The following RGS6 variants were observed in gnomAD, a reference collection of about 807,000 sequenced individuals.
RGS6 encodes regulator of G protein signaling 6.
In RGS6, 30 loss-of-function variants were observed where a neutral mutation model predicts 78.5. The observed-to-expected ratio is 0.38, with a 90% CI of 0.29 to 0.52. The LOEUF is 0.52. Ranked by LOEUF, RGS6 falls within the 20% of genes least tolerant of loss-of-function variation. The probability of loss-of-function intolerance (pLI) is 0.85; values close to 1 mark genes in which losing one functional copy is unlikely to be tolerated. For synonymous variants in RGS6, 206 were observed against 206.0 expected, an observed-to-expected ratio of 1.00 and a Z score of 0.00; for missense variants, 495 against 609.7, an observed-to-expected ratio of 0.81 and a Z score of 1.98.
At chr14:72,042,784 G>A (rs1020597675) in intron 2 of RGS6, among the ~76,000 whole-genome samples, 12 of 151,926 alleles carry the variant, frequency 7.9e-5, no homozygotes, top group Non-Finnish European at 1.5e-4. Context: ...ATAAATATGG[G>A]GCCATGAAAA....
At chr14:72,201,183 T>A (rs2041492309) in intron 2 of RGS6, among the ~76,000 whole-genome samples, 1 of 152,140 alleles carries the variant, frequency 6.6e-6, no homozygotes, top group African/African-American at 2.4e-5. Context: ...TTTTTTAATA[T>A]GTGGAGAAAA....
At chr14:71,906,761 G>A in the RGS6 span, among the ~76,000 whole-genome samples, 388 of 49,998 alleles carry the variant, frequency 7.8e-3, 1 homozygote, top group African/African-American at 0.015. Context: ...AGGCACTCGT[G>A]TCTCCAAAGA....
chr14:72,473,676 G>A (rs1053152474), intron 9 of RGS6, among the ~76,000 whole-genome samples: 1 of 152,098 alleles, frequency 6.6e-6, no homozygotes, highest in South Asian at 2.1e-4. Flanking sequence ...CTGAATTAGC[G>A]CACATTGAAG....
Position 72,039,813 on chromosome 14 carries a change from A to ATTTTTTT in RGS6, c.84+74951_84+74957dup, listed in dbSNP as rs3053082. Among the ~76,000 whole-genome samples the ATTTTTTT allele has an allele frequency of 1.4e-3, 98 of 68,852 alleles. 3 individuals are homozygous for ATTTTTTT. Among genetic ancestry groups the ATTTTTTT allele is most frequent in the African/African-American group, 3.6e-3 (62 of 17,342 alleles). 45.2% of individuals were successfully genotyped at this position (68,852 alleles called of 152,430 possible). A position where few individuals can be genotyped will look rare whatever the true frequency, so the allele number is the denominator to read the frequency against. On this transcript the variant is annotated intron_variant, in intron 2 of 17. Transcript: ENST00000553525. ...TGCTGCCTTCTTTTGTGTTTCATTGATTTTTTTTTTTTTTTTTTTGGTGAC... is the reference window on the plus strand; with the variant it reads ...TGCTGCCTTCTTTTGTGTTTCATTGATTTTTTTTTTTTTTTTTTTTTTTTTTGGTGAC...
At chr14:72,534,635 C>T (rs2097222655) in intron 15 of RGS6, among the ~76,000 whole-genome samples, 1 of 152,346 alleles carries the variant, frequency 6.6e-6, no homozygotes, top group East Asian at 1.9e-4. Context: ...CATATCTTGG[C>T]TACTGTGCTC....
At chr14:72,453,508 T>A (rs997970338) in intron 3 of RGS6, among the ~76,000 whole-genome samples, 1 of 138,950 alleles carries the variant, frequency 7.2e-6, no homozygotes, top group African/African-American at 2.8e-5. Flanking sequence ...CCCAGCTACT[T>A]GGGAGGCTGA....
At chr14:71,951,995 T>C (rs2092365282) in intron 1 of RGS6, among the ~76,000 whole-genome samples, 1 of 152,190 alleles carries the variant, frequency 6.6e-6, no homozygotes, top group African/African-American at 2.4e-5. Flanking sequence ...GTTCTGTGTA[T>C]TAGGTTGGTG....
intron 2 of RGS6, among the ~76,000 whole-genome samples, chr14:72,304,566 G>T (rs1308651155): frequency 1.3e-5 from 2 of 152,178 alleles, no homozygotes. Context: ...TGGGTCAAAT[G>T]CTATGCACAT....
intron 13 of RGS6, among the ~76,000 whole-genome samples, chr14:72,504,365 C>T: frequency 6.6e-6 from 1 of 152,194 alleles, no homozygotes; most frequent in South Asian, 2.1e-4. Context: ...CCAACCTGCA[C>T]CTTCAACACA....
At chr14:72,354,833 A>G (rs1448228581) in intron 3 of RGS6, among the ~76,000 whole-genome samples, 1 of 152,148 alleles carries the variant, frequency 6.6e-6, no homozygotes, top group Non-Finnish European at 1.5e-5. Context: ...GGATACTTGT[A>G]TTGTTAGTGT....
At chr14:71,950,987 A>G (rs2092257185) in intron 1 of RGS6, among the ~76,000 whole-genome samples, 1 of 152,148 alleles carries the variant, frequency 6.6e-6, no homozygotes, top group Non-Finnish European at 1.5e-5. Context: ...ACCATTGTGG[A>G]AGACAGTGTG....
At chr14:71,948,248 A>C (rs1342983657) in intron 1 of RGS6, among the ~76,000 whole-genome samples, 1 of 152,130 alleles carries the variant, frequency 6.6e-6, no homozygotes, top group East Asian at 1.9e-4. Flanking sequence ...CAGCGTCCTT[A>C]TCTCAGTCTC....
At chr14:72,254,669 CCTT>C (rs2153857335) in intron 2 of RGS6, among the ~76,000 whole-genome samples, 1 of 152,230 alleles carries the variant, frequency 6.6e-6, no homozygotes, top group East Asian at 1.9e-4. Flanking sequence ...CTCTTTTCTC[CCTT>C]CTTTATGCTC....
chr14:72,232,074 C>A (rs2158986), intron 2 of RGS6, among the ~76,000 whole-genome samples: 98,240 of 152,064 alleles, frequency 0.65, 32,550 homozygotes, highest in African/African-American at 0.79. Context: ...AAACTGTTAC[C>A]GTAATCCAGG....
intron 2 of RGS6, among the ~76,000 whole-genome samples, chr14:72,249,667 AT>A (rs1174930078): frequency 6.6e-6 from 1 of 152,170 alleles, no homozygotes; most frequent in East Asian, 1.9e-4. Flanking sequence ...TTGCAATTGT[AT>A]TTTTTATGGC....
intron 2 of RGS6, among the ~76,000 whole-genome samples, chr14:72,055,889 T>C (rs910481230): frequency 3.9e-5 from 6 of 152,208 alleles, no homozygotes; most frequent in African/African-American, 9.7e-5. Context: ...TTGGTGTTTG[T>C]TGTTGGTAGA....
At chr14:71,934,082 A>G (rs1338502736) in intron 1 of RGS6, among the ~76,000 whole-genome samples, 1 of 152,186 alleles carries the variant, frequency 6.6e-6, no homozygotes, top group African/African-American at 2.4e-5. Context: ...TGTAAGATGT[A>G]TATTCTTTAT....
At chr14:72,594,084 G>T in the RGS6 span, among the ~76,000 whole-genome samples, 11 of 152,244 alleles carry the variant, frequency 7.2e-5, no homozygotes, top group African/African-American at 2.4e-4. Flanking sequence ...GATAGTGTGG[G>T]CTTATGAAAC....
chr14:71,989,347 G>A (rs1478313380), intron 2 of RGS6, among the ~76,000 whole-genome samples: 1 of 152,192 alleles, frequency 6.6e-6, no homozygotes, highest in Non-Finnish European at 1.5e-5. Flanking sequence ...AACCACCTGG[G>A]GAGCTGCTTA....
Sources: allele counts gnomAD v4.1 joint callset (sites outside exome capture counted in the v4.1 genomes callset), GRCh38; gene constraint gnomAD v4.1.1; transcripts MANE v1.5; gene names NCBI Gene and HGNC (gene_info 2026-07-23, HGNC 2026-07-21).